The following FBP2 variants were observed in gnomAD, a reference collection of about 807,000 sequenced individuals.
FBP2 encodes the protein fructose-bisphosphatase 2.
FBP2 carries 27 observed loss-of-function variants against 31.6 expected under a neutral mutation model. The observed-to-expected ratio is 0.85, with a 90% CI of 0.63 to 1.18. The LOEUF is 1.18. Ranked by LOEUF, FBP2 falls within the 50% of genes most tolerant of loss-of-function variation. The pLI, the probability that FBP2 is intolerant of heterozygous loss-of-function variation, is 0.00. For missense variants in FBP2, 421 were observed against 436.1 expected (o/e 0.97, Z 0.31); for synonymous variants, 168 against 179.8 (o/e 0.93, Z 0.53).
chr9:94,564,707 G>A lies in FBP2; in HGVS notation c.706-1246C>T, dbSNP rs75762351. ...GGGAGGAGCAGAAAAGATAAGTATT[G>A]GATACCAGGTTTAGTACCTGGGAGA... On this transcript the variant is annotated intron_variant, in intron 5 of 6. Transcript: ENST00000375337. Among the ~76,000 whole-genome samples, 1,162 of 152,122 alleles carry A rather than the reference G, an allele frequency of 7.6e-3. 15 individuals carry two copies. The highest frequency in any genetic ancestry group is 0.027 in the African/African-American group (1,112 of 41,494).
intron 5 of FBP2, among the ~76,000 whole-genome samples, chr9:94,564,326 A>G (rs564833642): frequency 6.6e-6 from 1 of 152,368 alleles, no homozygotes; most frequent in South Asian, 2.1e-4. Context: ...ACCCAAAGGA[A>G]TAGAAATCAT....
intron 3 of FBP2, among the ~76,000 whole-genome samples, chr9:94,575,208 C>T (rs1827304447): frequency 6.6e-6 from 1 of 152,032 alleles, no homozygotes; most frequent in Admixed American, 6.6e-5. Flanking sequence ...ACATAACATC[C>T]AGATCCATTT....
intron 4 of FBP2, chr9:94,568,375 ATC>A (rs1827224251): frequency 2.0e-5 from 3 of 152,332 alleles, no homozygotes; most frequent in South Asian, 4.1e-4. Context: ...CCTGCAGGGC[ATC>A]TCTCAAATAC....
At chr9:94,582,547 A>ATT (rs35999121) in intron 3 of FBP2, among the ~76,000 whole-genome samples, 3,137 of 132,180 alleles carry the variant, frequency 0.024, 165 homozygotes, top group African/African-American at 0.081. Context: ...CTCTTGGCTA[A>ATT]TTTTTTTTTT....
intron 2 of FBP2, 136 bp downstream of exon 2, chr9:94,587,171 T>C (rs1827436335): frequency 4.1e-6 from 3 of 727,082 alleles, no homozygotes; most frequent in Non-Finnish European, 6.6e-6. Flanking sequence ...TAGAGAAGTA[T>C]GTAATCCTTT....
chr9:94,561,734 G>A (rs12002400), intron 6 of FBP2, among the ~76,000 whole-genome samples: 2 of 152,134 alleles, frequency 1.3e-5, no homozygotes, highest in African/African-American at 4.8e-5. Context: ...GGATAGGAGT[G>A]TGCACATGCA....
At chr9:94,578,077 G>A (rs1827334373) in intron 3 of FBP2, among the ~76,000 whole-genome samples, 1 of 152,196 alleles carries the variant, frequency 6.6e-6, no homozygotes, top group South Asian at 2.1e-4. Flanking sequence ...AGAATCATCA[G>A]CATACATTTG....
chr9:94,590,767 T>G (rs1587847348), intron 1 of FBP2, among the ~76,000 whole-genome samples: 1 of 152,318 alleles, frequency 6.6e-6, no homozygotes, highest in East Asian at 1.9e-4. Context: ...GCTTTTATTC[T>G]CTTATCTGGC....
rs755644556 is a variant in FBP2 at position 94,571,515 on chromosome 9, T to C, written c.514A>G (p.Thr172Ala). 2.0e-5 allele frequency: 32 copies of C among 1,613,818 alleles called. No homozygotes were observed. The Middle Eastern group carries it at 5.0e-4, about 25-fold the overall frequency. Residue 172 changes from threonine to alanine, a missense_variant, in exon 4 of 7, where the codon ACC becomes GCC. Thr to Ala is a moderately conservative substitution (Grantham distance 58). Coordinates refer to ENST00000375337, the MANE Select transcript of FBP2 (RefSeq NM_003837.4). ...AAGYALYGSA[T>A]LVALSTGQGV... ...TGCCCTGTGGAGAGAGCCACCAGGG[T>C]TGCACTACCGTACAGCGCATAACCT...
intron 1 of FBP2, among the ~76,000 whole-genome samples, chr9:94,589,717 G>GCACCCCCACCT (rs1436288579): frequency 6.6e-6 from 1 of 151,700 alleles, no homozygotes; most frequent in African/African-American, 2.4e-5. Context: ...TCCCTGAACA[G>GCACCCCCACCT]CACCCCCACC....
At chr9:94,572,858 T>C (rs1827283521) in intron 3 of FBP2, 1 of 152,266 alleles carries the variant, frequency 6.6e-6, no homozygotes, top group Non-Finnish European at 1.5e-5. Flanking sequence ...AATGTAATTA[T>C]AATTACGAAT....
chr9:94,566,655 G>A (rs1827193964), intron 5 of FBP2, among the ~76,000 whole-genome samples: 1 of 152,112 alleles, frequency 6.6e-6, no homozygotes, highest in African/African-American at 2.4e-5. Flanking sequence ...AGCTCTGCTG[G>A]GTTAGGGTCT....
At chr9:94,591,047 G>C (rs941423769) in intron 1 of FBP2, among the ~76,000 whole-genome samples, 1 of 152,066 alleles carries the variant, frequency 6.6e-6, no homozygotes, top group Non-Finnish European at 1.5e-5. Flanking sequence ...GACTCTCCAC[G>C]TCCCCACCAG....
chr9:94,586,834 C>G (rs1292137109), intron 2 of FBP2: 1 of 155,166 alleles, frequency 6.4e-6, no homozygotes, highest in East Asian at 1.9e-4. Context: ...GGTAAGAGCA[C>G]AGGAGGCTTG....
intron 4 of FBP2, 39 bp downstream of exon 4, chr9:94,571,423 G>C (rs375435231): frequency 4.5e-6 from 7 of 1,553,034 alleles, no homozygotes; most frequent in African/African-American, 1.4e-5. Flanking sequence ...GAGGCCCATG[G>C]AGTCCCCAGG....
chr9:94,571,669 C>G lies in FBP2; in HGVS notation c.427-67G>C, dbSNP rs2131450993. 4 of 1,442,148 alleles carry G rather than the reference C, an allele frequency of 2.8e-6. No homozygotes were observed. In the East Asian group the frequency reaches 9.6e-5, roughly 35 times the overall value. 89.3% of individuals were successfully genotyped at this position (1,442,148 alleles called of 1,614,324 possible). On this transcript the variant is annotated intron_variant, in intron 3 of 6. Transcript: ENST00000375337. Reference sequence around the variant, plus strand: ...CTGGAGAGAACACTTTGCCAGGGGCCTGGGCTTCAGATCTCCTCGAATCAC... The same window carrying G: ...CTGGAGAGAACACTTTGCCAGGGGCGTGGGCTTCAGATCTCCTCGAATCAC...
At chr9:94,590,636 T>G (rs996834803) in intron 1 of FBP2, among the ~76,000 whole-genome samples, 3 of 151,774 alleles carry the variant, frequency 2.0e-5, no homozygotes, top group African/African-American at 7.3e-5. Context: ...TCGCGGTGAG[T>G]GTTACAGATC....
At position 94,563,449 on chromosome 9, in the gene FBP2, G is replaced by A. The variant is rs1827139208; in HGVS notation, c.718C>T (p.Pro240Ser). ...GAGCCCACATACCTGGCCCCATAGG[G>A]AGCACTGCCATCCTAGAAGACAGAA... The part of the protein sequence containing the change: ...KKKFPEDGSA[P>S]YGARYVGSMV... The change falls in exon 6 of 7, where the codon CCC (proline) becomes TCC (serine). Residue 240 changes from proline (P) to serine (S), a missense_variant. By Grantham distance (74) the Pro-to-Ser change is moderately conservative. Coordinates refer to ENST00000375337, the MANE Select transcript of FBP2 (RefSeq NM_003837.4). 2.5e-6 allele frequency: 4 copies of A among 1,613,684 alleles called. No individual in the cohort carries two copies. The highest frequency in any genetic ancestry group is 3.4e-6 in the Non-Finnish European group (4 of 1,179,710).
Position 94,584,397 on chromosome 9 carries a change from G to T in FBP2, c.426+180C>A, listed in dbSNP as rs139629050. 9.8e-5 allele frequency among the ~76,000 whole-genome samples: 15 copies of T among 152,296 alleles called. No homozygotes were observed. The East Asian group carries it at 2.9e-3, about 29-fold the overall frequency. On this transcript the variant is annotated intron_variant, in intron 3 of 6. Coordinates refer to ENST00000375337, the MANE Select transcript of FBP2 (RefSeq NM_003837.4). ...CCAGAAAGTAGGCAGAGAAAGAATC[G>T]CCAATCCAGTTCTTCTAATGAGGAG... is the stretch of plus-strand genomic sequence containing the variant.
Sources: gnomAD v4.1 joint callset for allele counts (sites outside exome capture counted in the v4.1 genomes callset) on GRCh38, gnomAD v4.1.1 for gene constraint, MANE v1.5 for transcripts, NCBI Gene and HGNC (gene_info 2026-07-23, HGNC 2026-07-21) for gene names.